SATL1: variants seen among roughly 807,000 people sequenced by gnomAD.
The protein encoded by SATL1 is spermidine/spermine N1-acetyl transferase like 1, also known as spermidine/spermine N(1)-acetyltransferase-like protein 1.
A neutral mutation model predicts 51.8 loss-of-function variants in SATL1; 47 were observed. The ratio of observed to expected loss-of-function variants is 0.91; its 90% CI spans 0.72 to 1.16. SATL1 has a LOEUF of 1.16. Among genes scored for constraint, SATL1 ranks in the 50% most tolerant of loss-of-function variants. The pLI, the probability that SATL1 is intolerant of heterozygous loss-of-function variation, is 0.00. For missense variants in SATL1, 520 were observed against 526.4 expected, an observed-to-expected ratio of 0.99 and a Z score of 0.12; for synonymous variants, 176 against 182.4, an observed-to-expected ratio of 0.97 and a Z score of 0.28.
chrX:85,135,761 A>ATTTTTTTT (rs1569234174), intron 2 of SATL1, among the ~76,000 whole-genome samples: 1 of 102,530 alleles, frequency 9.8e-6, no homozygotes, highest in African/African-American at 3.7e-5. Flanking sequence ...TGTACTTTTC[A>ATTTTTTTT]TAGAGATGGG....
At chrX:85,231,820 C>T (rs756527559) in intron 1 of SATL1, among the ~76,000 whole-genome samples, 61 of 111,451 alleles carry the variant, frequency 5.5e-4, no homozygotes, top group African/African-American at 1.6e-3. Context: ...GGCTAAAGTG[C>T]TCTGGGGATC....
intron 2 of SATL1, among the ~76,000 whole-genome samples, chrX:85,148,617 T>C (rs1219406708): frequency 9.0e-6 from 1 of 111,657 alleles, no homozygotes; most frequent in Non-Finnish European, 1.9e-5. Flanking sequence ...AGCGGATCTC[T>C]CGGCAAAAAC....
intron 2 of SATL1, among the ~76,000 whole-genome samples, chrX:85,186,473 A>C (rs183947315): frequency 0.022 from 2,430 of 110,924 alleles, 65 homozygotes; most frequent in African/African-American, 0.075. Flanking sequence ...TTAGGCCCCC[A>C]GAGCACTTTG....
At chrX:85,178,132 T>C (rs1449310563) in intron 2 of SATL1, among the ~76,000 whole-genome samples, 1 of 111,620 alleles carries the variant, frequency 9.0e-6, no homozygotes, top group Non-Finnish European at 1.9e-5. Flanking sequence ...GATCTCAGTA[T>C]GTCATATGTC....
intron 2 of SATL1, chrX:85,207,950 C>G (rs938453573): frequency 1.8e-5 from 2 of 111,221 alleles, no homozygotes; most frequent in African/African-American, 6.5e-5. Context: ...ATGTGCACAA[C>G]GTGCAGGTTT....
Position 85,092,449 on chromosome X carries a change from C to T in SATL1, c.2030G>A (p.Gly677Asp). ...TCTGTTAAACCTGAAGAGATGCCAG[C>T]CCTCCTCAGAGGAAAGGTCTAAAGC... ...RGALDLSSEE[G>D]WHLFRFNREE... Residue 677 changes from glycine (G) to aspartate (D), a missense_variant, in exon 8 of 8, where the codon GGC becomes GAC. Around this residue, in one of 3 missense-constraint regions of SATL1, gnomAD observed 488 missense variants for 474.3 expected, o/e 1.03. Transcript: ENST00000644105. The T allele has an allele frequency of 3.3e-6, 4 of 1,199,470 alleles. No homozygotes were observed. The highest frequency in any genetic ancestry group is 1.8e-5 in the South Asian group (1 of 54,786).
At chrX:85,107,296 C>T (rs757379473) in intron 3 of SATL1, 32 bp downstream of exon 3, 1 of 1,144,186 alleles carries the variant, frequency 8.7e-7, no homozygotes. Context: ...ACACCAATGC[C>T]ATGAGGCTCC....
chrX:85,098,708 A>G (rs1236278939), intron 4 of SATL1, among the ~76,000 whole-genome samples: 2 of 111,833 alleles, frequency 1.8e-5, no homozygotes, highest in African/African-American at 3.2e-5. Context: ...TACACAACCA[A>G]TGGGTCAAAG....
intron 3 of SATL1, among the ~76,000 whole-genome samples, chrX:85,105,050 A>G (rs922750253): frequency 9.0e-6 from 1 of 111,635 alleles, no homozygotes; most frequent in African/African-American, 3.2e-5. Flanking sequence ...TATCTGGTAT[A>G]GATCATCTCC....
intron 2 of SATL1, among the ~76,000 whole-genome samples, chrX:85,139,804 A>C (rs1348865114): frequency 1.8e-5 from 2 of 111,977 alleles, no homozygotes; most frequent in Admixed American, 9.5e-5. Flanking sequence ...ATTTTACAGT[A>C]GATTTACACT....
intron 2 of SATL1, among the ~76,000 whole-genome samples, chrX:85,206,873 C>CATT (rs1350378891): frequency 9.0e-6 from 1 of 111,206 alleles, no homozygotes; most frequent in Non-Finnish European, 1.9e-5. Context: ...ATCCTGAGAA[C>CATT]ATTTGGAAGG....
chrX:85,131,906 G>A (rs1724872862), intron 2 of SATL1, among the ~76,000 whole-genome samples: 1 of 111,475 alleles, frequency 9.0e-6, no homozygotes, highest in African/African-American at 3.3e-5. Flanking sequence ...CTTCACTTAT[G>A]AAGCTTAGTT....
intron 2 of SATL1, among the ~76,000 whole-genome samples, chrX:85,178,649 A>G (rs895424648): frequency 9.1e-6 from 1 of 109,889 alleles, no homozygotes; most frequent in Non-Finnish European, 1.9e-5. Flanking sequence ...CAAACAAACA[A>G]AAAAAAACAA....
intron 2 of SATL1, chrX:85,209,376 T>C (rs1371279943): frequency 2.7e-5 from 3 of 111,746 alleles, no homozygotes; most frequent in Non-Finnish European, 5.6e-5. Flanking sequence ...TTTGGTTCCA[T>C]ATGAACTTTA....
chrX:85,103,988 T>A, intron 3 of SATL1, 73 bp from the exon 4 acceptor site: 5 of 795,566 alleles, frequency 6.3e-6, no homozygotes, highest in Non-Finnish European at 9.4e-6. Flanking sequence ...TCATAAAATT[T>A]GTATTAAACA....
At chrX:85,193,442 T>C (rs917467305) in intron 2 of SATL1, among the ~76,000 whole-genome samples, 1 of 111,922 alleles carries the variant, frequency 8.9e-6, no homozygotes, top group Admixed American at 9.5e-5. Flanking sequence ...GTGTGTCTTA[T>C]TTGAAGAGCT....
Position 85,107,653 on chromosome X carries a change from C to T in SATL1, c.1316G>A (p.Arg439Gln), listed in dbSNP as rs140076762. ...GCTCATGCCTGGTTGCCACATGCCT[C>T]GTTGCCACATGCCTGGTGGACTCTT... is the stretch of plus-strand genomic sequence containing the variant. Reference protein sequence around the residue: ...PNKSPPGMWQRGMWQPGMSQQ... With the variant: ...PNKSPPGMWQQGMWQPGMSQQ... Residue 439 changes from arginine (R) to glutamine (Q), a missense_variant, in exon 3 of 8, where the codon CGA becomes CAA. Physicochemically the swap from Arg to Gln is conservative, Grantham distance 43. Around this residue, in one of 3 missense-constraint regions of SATL1, gnomAD observed 488 missense variants for 474.3 expected, o/e 1.03. Coordinates refer to ENST00000644105, the MANE Select transcript of SATL1 (RefSeq NM_001367857.2). 6.2e-5 allele frequency: 75 copies of T among 1,209,482 alleles called. No individual in the cohort carries two copies. In the African/African-American group the frequency reaches 1.2e-3, roughly 19 times the overall value.
intron 2 of SATL1, among the ~76,000 whole-genome samples, chrX:85,135,693 C>A (rs897878783): frequency 2.0e-5 from 2 of 97,885 alleles, no homozygotes; most frequent in Non-Finnish European, 4.1e-5. Context: ...CCCCTCAACC[C>A]CCGCACCTGA....
chrX:85,230,749 TA>T (rs1928364762), intron 1 of SATL1, among the ~76,000 whole-genome samples: 1 of 111,591 alleles, frequency 9.0e-6, no homozygotes, highest in Non-Finnish European at 1.9e-5. Context: ...ATAACCCAAT[TA>T]AAAAATAGGC....
Sources: gnomAD v4.1 joint callset for allele counts (sites outside exome capture counted in the v4.1 genomes callset) on GRCh38, gnomAD v4.1.1 for gene constraint, gnomAD v4.1.1 regional missense constraint, MANE v1.5 for transcripts, NCBI Gene and HGNC (gene_info 2026-07-23, HGNC 2026-07-21) for gene names.